Variants in CSMD3 observed in about 807,000 individuals in gnomAD.
CSMD3 encodes the protein CUB and sushi domain-containing protein 3.
In CSMD3, 177 loss-of-function variants were observed where a neutral mutation model predicts 435.2. The observed-to-expected ratio is 0.41, with a 90% CI of 0.36 to 0.46. CSMD3 has a LOEUF of 0.46. Ranked by LOEUF, CSMD3 falls within the 20% of genes least tolerant of loss-of-function variation. The pLI is 0.34. For missense variants in CSMD3, 4,265 were observed against 4,504.6 expected (o/e 0.95, Z 1.52); for synonymous variants, 1,656 against 1,520.5 (o/e 1.09, Z -2.07).
intron 13 of CSMD3, among the ~76,000 whole-genome samples, chr8:112,743,947 T>A (rs1002418040): frequency 6.6e-6 from 1 of 152,010 alleles, no homozygotes; most frequent in Non-Finnish European, 1.5e-5. Flanking sequence ...AAATCTGATA[T>A]AACCGCCAGG....
rs2130935851 is a variant in CSMD3, at chr8:112,976,135, C to T, written c.1044G>A (p.Leu348=). 1 of 1,613,878 alleles carries T rather than the reference C, an allele frequency of 6.2e-7. No homozygotes were observed. The highest frequency in any genetic ancestry group is 8.5e-7 in the Non-Finnish European group (1 of 1,179,876). Residue 348 remains leucine (L), a synonymous_variant, in exon 7 of 71, where the codon TTG becomes TTA. Coordinates refer to ENST00000297405, the MANE Select transcript of CSMD3 (RefSeq NM_198123.2). ...ACTCACCAGTGGAGGTAGTGTGGGT[C>T]AATGTAGAAGAACCTGTGGGACACA... ...FSAPYQGSST[L]THTTSTGELE... is the part of the protein sequence containing the mutation.
chr8:112,251,435 T>C lies in CSMD3; in HGVS notation c.10110+2818A>G, dbSNP rs370829626. ...TGAGCATTAACTTTGGTCCTAGGCTTCCTGGTTCAAGAAAAGTTTAATTAT... is the reference window on the plus strand; with the variant it reads ...TGAGCATTAACTTTGGTCCTAGGCTCCCTGGTTCAAGAAAAGTTTAATTAT... On this transcript the variant is annotated intron_variant, in intron 63 of 70. Transcript: ENST00000297405. Among the ~76,000 whole-genome samples, 19 of 151,828 alleles carry C rather than the reference T, an allele frequency of 1.3e-4. No homozygotes were observed. The South Asian group carries it at 1.9e-3, about 15-fold the overall frequency.
At chr8:112,884,830 T>A (rs1191667623) in intron 10 of CSMD3, among the ~76,000 whole-genome samples, 1 of 151,860 alleles carries the variant, frequency 6.6e-6, no homozygotes, top group African/African-American at 2.4e-5. Flanking sequence ...ATATTAAAGC[T>A]ATAATAGATG....
At chr8:113,320,415 G>T (rs1034836330) in intron 1 of CSMD3, among the ~76,000 whole-genome samples, 1 of 151,954 alleles carries the variant, frequency 6.6e-6, no homozygotes, top group East Asian at 1.9e-4. Flanking sequence ...TTACTATTCA[G>T]CAAGAAATAA....
intron 9 of CSMD3, among the ~76,000 whole-genome samples, chr8:112,922,580 T>C (rs536616565): frequency 1.9e-4 from 29 of 151,992 alleles, no homozygotes; most frequent in Middle Eastern, 3.4e-3. Flanking sequence ...TATATCCATG[T>C]TTAATTGTTT....
At chr8:112,677,245 G>A (rs1204562521) in intron 16 of CSMD3, among the ~76,000 whole-genome samples, 1 of 151,776 alleles carries the variant, frequency 6.6e-6, no homozygotes, top group Non-Finnish European at 1.5e-5. Flanking sequence ...GTGATGGGAG[G>A]ACTGTGTGTG....
At chr8:113,330,965 AG>A (rs2094023289) in intron 1 of CSMD3, among the ~76,000 whole-genome samples, 1 of 151,880 alleles carries the variant, frequency 6.6e-6, no homozygotes, top group Non-Finnish European at 1.5e-5. Flanking sequence ...CACCCAACAA[AG>A]ACCATATAAA....
At chr8:112,539,579 G>A (rs1826467948) in intron 27 of CSMD3, among the ~76,000 whole-genome samples, 1 of 152,062 alleles carries the variant, frequency 6.6e-6, no homozygotes, top group Non-Finnish European at 1.5e-5. Context: ...TAGACACACA[G>A]ACGAATGGAA....
intron 7 of CSMD3, 58 bp from the exon 8 acceptor site, chr8:112,954,819 C>A: frequency 9.3e-7 from 1 of 1,072,172 alleles, no homozygotes; most frequent in South Asian, 1.3e-5. Context: ...AAATGAAATT[C>A]AAGTTAACAA....
intron 27 of CSMD3, among the ~76,000 whole-genome samples, chr8:112,532,496 A>C (rs1825636756): frequency 6.6e-6 from 1 of 152,276 alleles, no homozygotes; most frequent in South Asian, 2.1e-4. Flanking sequence ...TCAATGAGCT[A>C]TGATACATTT....
intron 59 of CSMD3, among the ~76,000 whole-genome samples, chr8:112,265,984 T>G (rs1816904050): frequency 6.6e-6 from 1 of 152,150 alleles, no homozygotes. Flanking sequence ...GTATCTAATT[T>G]ATCAGGCATG....
chr8:113,210,627 C>T (rs890788599), intron 3 of CSMD3, among the ~76,000 whole-genome samples: 3 of 152,052 alleles, frequency 2.0e-5, no homozygotes, highest in Admixed American at 2.0e-4. Context: ...CCTGTAATCA[C>T]AGCACTTTGG....
intron 13 of CSMD3, among the ~76,000 whole-genome samples, chr8:112,760,651 TATC>T (rs2077815274): frequency 6.6e-6 from 1 of 152,304 alleles, no homozygotes; most frequent in South Asian, 2.1e-4. Flanking sequence ...AAAATATTCT[TATC>T]ATCACATTTC....
chr8:113,143,069 A>G (rs899554310), intron 4 of CSMD3, among the ~76,000 whole-genome samples: 10 of 151,284 alleles, frequency 6.6e-5, no homozygotes, highest in Non-Finnish European at 1.2e-4. Context: ...TATATATCCA[A>G]CAAAGATTAA....
Position 113,084,639 on chromosome 8 carries a change from C to A in CSMD3, c.917+14117G>T, listed in dbSNP as rs189242323. ...AATGGAACCAAAAAAAAAAAAAAAA[C>A]CCATGAATATCCAAAGCAATACTAA... On this transcript the variant is annotated intron_variant, in intron 5 of 70. Coordinates refer to ENST00000297405, the MANE Select transcript of CSMD3 (RefSeq NM_198123.2). Among the ~76,000 whole-genome samples, 1,100 of 129,708 alleles carry A rather than the reference C, an allele frequency of 8.5e-3. 18 individuals carry two copies. The highest frequency in any genetic ancestry group is 0.03 in the African/African-American group (1,027 of 33,890). The allele number at this position is 129,708 out of a possible 152,430, so 85.1% of individuals were successfully genotyped here.
chr8:112,811,415 T>TAC (rs1479169443), intron 12 of CSMD3, among the ~76,000 whole-genome samples: 1 of 35,632 alleles, frequency 2.8e-5, no homozygotes, highest in Admixed American at 4.4e-4. Context: ...AGAAAACACT[T>TAC]ACAAGTTTTA....
intron 27 of CSMD3, among the ~76,000 whole-genome samples, chr8:112,540,181 A>G (rs1826525386): frequency 1.3e-5 from 2 of 152,076 alleles, no homozygotes; most frequent in African/African-American, 4.8e-5. Flanking sequence ...TAAATGAAAA[A>G]AATGCTTAAC....
chr8:112,421,406 T>C (rs1395521398), intron 32 of CSMD3, among the ~76,000 whole-genome samples: 1 of 151,032 alleles, frequency 6.6e-6, no homozygotes, highest in Non-Finnish European at 1.5e-5. Flanking sequence ...TAGGTAAGAG[T>C]GGTGGCACGT....
chr8:112,281,190 A>C lies in CSMD3; in HGVS notation c.9492T>G (p.Thr3164=). ...QCTANGTWSG[T]LPNCTIISCG... ...TATACTTACTTGTACAGTTAGGTAA[A>C]GTTCCAGACCATGTTCCATTGGCTG... The change falls in exon 59 of 71, where the codon ACT becomes ACG. Residue 3164 remains threonine (T), a synonymous_variant. Coordinates refer to ENST00000297405, the MANE Select transcript of CSMD3 (RefSeq NM_198123.2). 6.2e-7 allele frequency: 1 copy of C among 1,612,540 alleles called. No homozygotes were observed. Among genetic ancestry groups the C allele is most frequent in the Non-Finnish European group, 8.5e-7 (1 of 1,178,718 alleles).
Sources: allele counts gnomAD v4.1 joint callset (sites outside exome capture counted in the v4.1 genomes callset), GRCh38; gene constraint gnomAD v4.1.1; transcripts MANE v1.5; gene names NCBI Gene and HGNC (gene_info 2026-07-23, HGNC 2026-07-21).